The following DIP2C variants were observed in gnomAD, a reference collection of about 807,000 sequenced individuals.
The protein encoded by DIP2C is disco-interacting protein 2 homolog C.
DIP2C carries 33 observed loss-of-function variants against 192.4 expected under a neutral mutation model. The ratio of observed to expected loss-of-function variants is 0.17; its 90% confidence interval spans 0.13 to 0.23. The LOEUF is 0.23. Among genes scored for constraint, DIP2C ranks in the 10% least tolerant of loss-of-function variants. The pLI, the probability that DIP2C is intolerant of heterozygous loss-of-function variation, is 1.00. For missense variants in DIP2C, 1,537 were observed against 2,110.1 expected, an observed-to-expected ratio of 0.73 and a Z score of 5.32; for synonymous variants, 979 against 864.1, an observed-to-expected ratio of 1.13 and a Z score of -2.33.
At chr10:457,053 C>T (rs1969361494) in intron 3 of DIP2C, among the ~76,000 whole-genome samples, 1 of 152,188 alleles carries the variant, frequency 6.6e-6, no homozygotes, top group African/African-American at 2.4e-5. Flanking sequence ...CACATATCCA[C>T]CTCCAATTAC....
chr10:517,627 G>A (rs1197762706), intron 1 of DIP2C, among the ~76,000 whole-genome samples: 3 of 152,186 alleles, frequency 2.0e-5, no homozygotes, highest in African/African-American at 4.8e-5. Context: ...CCTTCCAAGT[G>A]AATTTTGGAA....
chr10:373,835 C>A (rs948149558), intron 17 of DIP2C, among the ~76,000 whole-genome samples: 1 of 152,300 alleles, frequency 6.6e-6, no homozygotes, highest in East Asian at 1.9e-4. Context: ...TAAGATCATG[C>A]GCTTGCCCTT....
chr10:427,635 T>G (rs1361613678), intron 4 of DIP2C, among the ~76,000 whole-genome samples: 1 of 152,196 alleles, frequency 6.6e-6, no homozygotes, highest in African/African-American at 2.4e-5. Flanking sequence ...GAATAGGAAT[T>G]AGCACATTAA....
chr10:649,248 C>A (rs11253299), intron 1 of DIP2C, among the ~76,000 whole-genome samples: 12 of 111,006 alleles, frequency 1.1e-4, no homozygotes, highest in East Asian at 5.4e-4. Context: ...TGATGGTGGG[C>A]GAGAACAGAG....
chr10:422,131 G>A (rs1205474478), intron 5 of DIP2C, among the ~76,000 whole-genome samples: 1 of 152,186 alleles, frequency 6.6e-6, no homozygotes, highest in Non-Finnish European at 1.5e-5. Flanking sequence ...GACGTGGTAA[G>A]CAGTCGTCTC....
chr10:576,770 G>A lies in DIP2C; in HGVS notation c.86-90240C>T, dbSNP rs958279445. Among the ~76,000 whole-genome samples, 78 of 152,122 alleles carry A rather than the reference G, an allele frequency of 5.1e-4. 1 individual carries two copies. Among genetic ancestry groups the A allele is most frequent in the Non-Finnish European group, 7.9e-4 (54 of 68,030 alleles). Reference sequence around the variant, plus strand: ...TAAAAATAAAAAATTAGCCAGGCATGGTGGCACGCGCCTGTAACCCCAGCT... The same window carrying A: ...TAAAAATAAAAAATTAGCCAGGCATAGTGGCACGCGCCTGTAACCCCAGCT... On this transcript the variant is annotated intron_variant, in intron 1 of 36. Coordinates refer to ENST00000280886, the MANE Select transcript of DIP2C (RefSeq NM_014974.3).
rs56343363 is a variant in DIP2C, at chr10:330,812, A to ATTT, written c.3585-1214_3585-1212dup. ...TGAGCCACCATGCCCAACCTACACA[A>ATTT]TTTTTTTTTTTTTTTTTTGAGACAG... On this transcript the variant is annotated intron_variant, in intron 29 of 36. Coordinates refer to ENST00000280886, the MANE Select transcript of DIP2C (RefSeq NM_014974.3). Among the ~76,000 whole-genome samples the ATTT allele has an allele frequency of 2.0e-4, 27 of 133,394 alleles. 1 individual carries two copies. The highest frequency in any genetic ancestry group is 3.7e-4 in the African/African-American group (13 of 35,426). The allele number at this position is 133,394 out of a possible 152,430, so 87.5% of individuals were successfully genotyped here. A position where few individuals can be genotyped will look rare whatever the true frequency, so the allele number is the denominator to read the frequency against.
intron 32 of DIP2C, among the ~76,000 whole-genome samples, chr10:289,195 C>T (rs1683365004): frequency 6.6e-6 from 1 of 151,896 alleles, no homozygotes. Context: ...GGACGACATG[C>T]CTCCCACCTG....
chr10:280,536 G>A (rs1954761985), intron 36 of DIP2C, among the ~76,000 whole-genome samples: 1 of 152,210 alleles, frequency 6.6e-6, no homozygotes, highest in South Asian at 2.1e-4. Flanking sequence ...CGGCACTCCA[G>A]CATCCAATCC....
intron 3 of DIP2C, among the ~76,000 whole-genome samples, chr10:464,002 GT>G (rs1351973066): frequency 6.6e-6 from 1 of 152,124 alleles, no homozygotes; most frequent in Non-Finnish European, 1.5e-5. Flanking sequence ...ACTCAAATTG[GT>G]TTAAAAACTT....
At chr10:523,246 A>G (rs2605903) in intron 1 of DIP2C, among the ~76,000 whole-genome samples, 107,223 of 143,768 alleles carry the variant, frequency 0.75, 41,573 homozygotes, top group South Asian at 0.87. Flanking sequence ...GGGACTGTGT[A>G]TGACCCACAC....
chr10:478,573 C>G (rs780022790), intron 2 of DIP2C, among the ~76,000 whole-genome samples: 1 of 151,724 alleles, frequency 6.6e-6, no homozygotes, highest in African/African-American at 2.4e-5. Flanking sequence ...CTGTCTTATT[C>G]CCACTCATCC....
intron 1 of DIP2C, among the ~76,000 whole-genome samples, chr10:647,120 G>A (rs531859993): frequency 6.5e-4 from 98 of 151,660 alleles, no homozygotes; most frequent in African/African-American, 2.3e-3. Flanking sequence ...CTGAGTCCAC[G>A]TCCACATTTG....
intron 1 of DIP2C, chr10:649,886 C>T (rs114841459): frequency 7.9e-4 from 446 of 567,450 alleles, no homozygotes; most frequent in African/African-American, 7.5e-3. Flanking sequence ...GTGCATGGTC[C>T]CCTTGTGGGG....
At chr10:455,042 G>A (rs554943602) in intron 3 of DIP2C, among the ~76,000 whole-genome samples, 5 of 152,258 alleles carry the variant, frequency 3.3e-5, no homozygotes, top group Admixed American at 2.6e-4. Context: ...CACAGCCTGG[G>A]GCTGCTGTCC....
In DIP2C at chr10:340,611, G is replaced by C. The variant is rs980156160; in HGVS notation, c.3584+588C>G. On this transcript the variant is annotated intron_variant, in intron 29 of 36. Coordinates refer to ENST00000280886, the MANE Select transcript of DIP2C (RefSeq NM_014974.3). ...TCATATTTTCTATAATTTCTACAAT[G>C]AACATGTATGTATAATCAGACAAAA... 3.0e-5 allele frequency: 11 copies of C among 366,292 alleles called. No individual in the cohort carries two copies. The Admixed American group carries it at 4.0e-4, about 13-fold the overall frequency. 22.7% of individuals were successfully genotyped at this position (366,292 alleles called of 1,614,324 possible).
At chr10:531,540 AAGGTTC>A (rs761770896) in intron 1 of DIP2C, among the ~76,000 whole-genome samples, 22 of 152,132 alleles carry the variant, frequency 1.4e-4, no homozygotes, top group African/African-American at 2.2e-4. Flanking sequence ...CCTAACACCA[AAGGTTC>A]AGGGCCCCCC....
chr10:601,196 G>A (rs1459005345), intron 1 of DIP2C, among the ~76,000 whole-genome samples: 5 of 152,158 alleles, frequency 3.3e-5, no homozygotes, highest in Non-Finnish European at 7.3e-5. Flanking sequence ...TACTTTCATT[G>A]CATCATAGAA....
At chr10:282,987 G>A (rs1000658215) in intron 35 of DIP2C, among the ~76,000 whole-genome samples, 1 of 152,270 alleles carries the variant, frequency 6.6e-6, no homozygotes, top group Non-Finnish European at 1.5e-5. Flanking sequence ...TGCTGTGGGT[G>A]ACACTGCAGC....
Sources: gnomAD v4.1 joint callset for allele counts (sites outside exome capture counted in the v4.1 genomes callset) on GRCh38, gnomAD v4.1.1 for gene constraint, MANE v1.5 for transcripts, NCBI Gene and HGNC (gene_info 2026-07-23, HGNC 2026-07-21) for gene names.